Variants in TEX14 observed in about 807,000 individuals in gnomAD.
The protein encoded by TEX14 is testis expressed 14, intercellular bridge forming factor, also known as inactive serine/threonine-protein kinase TEX14.
TEX14 carries 168 observed loss-of-function variants against 178.6 expected under a neutral mutation model. The observed-to-expected ratio is 0.94, with a 90% CI of 0.83 to 1.07. The LOEUF (loss-of-function observed/expected upper bound fraction) is 1.07, where lower values mean the gene tolerates loss of function less well. TEX14 is among the 50% of genes least tolerant of loss of function. The probability of loss-of-function intolerance (pLI) is 0.00; values close to 1 mark genes in which losing one functional copy is unlikely to be tolerated. For missense variants in TEX14, 1,730 were observed against 1,753.6 expected (o/e 0.99, Z 0.24); for synonymous variants, 626 against 634.1 (o/e 0.99, Z 0.19).
intron 30 of TEX14, among the ~76,000 whole-genome samples, chr17:58,558,680 T>C (rs2144318154): frequency 6.6e-6 from 1 of 152,288 alleles, no homozygotes; most frequent in African/African-American, 2.4e-5. Context: ...AACTTAAATA[T>C]GGGAGAGCGT....
At chr17:58,655,049 T>TC (rs35757957) in intron 1 of TEX14, among the ~76,000 whole-genome samples, 3 of 149,962 alleles carry the variant, frequency 2.0e-5, no homozygotes, top group Non-Finnish European at 4.4e-5. Flanking sequence ...TTTTTTTTTT[T>TC]CCTGAGACAG....
chr17:58,682,466 G>A (rs542356835), intron 1 of TEX14, among the ~76,000 whole-genome samples: 24 of 151,648 alleles, frequency 1.6e-4, no homozygotes, highest in Non-Finnish European at 3.1e-4. Flanking sequence ...CCATGTTGGC[G>A]AGGCTGGTCT....
intron 1 of TEX14, among the ~76,000 whole-genome samples, chr17:58,683,688 G>A (rs570038683): frequency 2.3e-4 from 35 of 151,584 alleles, no homozygotes; most frequent in African/African-American, 8.5e-4. Flanking sequence ...GCTTGAACCC[G>A]GAAGGCGGGG....
At chr17:58,656,846 C>G (rs1303039139) in intron 1 of TEX14, among the ~76,000 whole-genome samples, 3 of 141,316 alleles carry the variant, frequency 2.1e-5, no homozygotes, top group Non-Finnish European at 4.5e-5. Context: ...TCACTTGAAC[C>G]TGGGAGGTGG....
At chr17:58,659,268 T>G (rs1044795224) in intron 1 of TEX14, 2 of 850,338 alleles carry the variant, frequency 2.4e-6, no homozygotes, top group East Asian at 1.2e-4. Flanking sequence ...AAACACTTTA[T>G]CAGGACCAAC....
chr17:58,649,140 C>T (rs1332574307), intron 2 of TEX14, among the ~76,000 whole-genome samples: 2 of 146,604 alleles, frequency 1.4e-5, no homozygotes, highest in Middle Eastern at 3.7e-3. Context: ...AGTGCAATGG[C>T]GCAATCTCGG....
chr17:58,602,833 C>G (rs1054587864), intron 11 of TEX14, among the ~76,000 whole-genome samples: 1 of 151,194 alleles, frequency 6.6e-6, no homozygotes, highest in Non-Finnish European at 1.5e-5. Context: ...TTTGGGAGGC[C>G]GAGGCGGGTG....
At chr17:58,647,817 C>G (rs2046748414) in intron 2 of TEX14, among the ~76,000 whole-genome samples, 1 of 152,062 alleles carries the variant, frequency 6.6e-6, no homozygotes, top group Admixed American at 6.6e-5. Context: ...CCTGCCTCAG[C>G]CTCCCAAGTA....
At chr17:58,609,186 T>C (rs1357333177) in intron 10 of TEX14, among the ~76,000 whole-genome samples, 1 of 152,160 alleles carries the variant, frequency 6.6e-6, no homozygotes, top group Non-Finnish European at 1.5e-5. Flanking sequence ...CTTGGCTCAC[T>C]GCAAGCTCCA....
At chr17:58,581,315 A>T (rs1353438087) in intron 19 of TEX14, among the ~76,000 whole-genome samples, 2 of 151,886 alleles carry the variant, frequency 1.3e-5, no homozygotes, top group African/African-American at 4.8e-5. Flanking sequence ...TATCTCAAAA[A>T]TTAAAAAAAA....
intron 2 of TEX14, among the ~76,000 whole-genome samples, chr17:58,631,414 T>C (rs897051439): frequency 3.3e-5 from 5 of 152,058 alleles, no homozygotes; most frequent in South Asian, 4.2e-4. Flanking sequence ...AATTGTGCCA[T>C]TGCACTCCAG....
intron 10 of TEX14, 62 bp from the exon 11 acceptor site, chr17:58,605,191 ATTCATTCATTCT>A (rs1188723958): frequency 4.6e-6 from 7 of 1,536,218 alleles, no homozygotes; most frequent in Admixed American, 3.9e-5. Context: ...TCATTCATTC[ATTCATTCATTCT>A]TTCATTCATT....
chr17:58,609,742 C>T (rs1467699615), intron 10 of TEX14, among the ~76,000 whole-genome samples: 2 of 152,178 alleles, frequency 1.3e-5, no homozygotes, highest in African/African-American at 2.4e-5. Context: ...GAAGTGAGAG[C>T]CTTTTTATAT....
rs187357779 is a variant in TEX14, at chr17:58,565,170, G to C, written c.3965-202C>G. Among the ~76,000 whole-genome samples the C allele has an allele frequency of 2.6e-5, 4 of 152,274 alleles. No individual in the cohort carries two copies. In the East Asian group the frequency reaches 7.7e-4, roughly 29 times the overall value. Reference sequence around the variant, plus strand: ...TTGCAGCAGCTGCTTCTGGGGTCTTGGAAGCTTTTCAGTGCCAGGTGAAGC... The same window carrying C: ...TTGCAGCAGCTGCTTCTGGGGTCTTCGAAGCTTTTCAGTGCCAGGTGAAGC... On this transcript the variant is annotated intron_variant, in intron 27 of 31. Coordinates refer to ENST00000349033, the MANE Select transcript of TEX14 (RefSeq NM_031272.5).
intron 1 of TEX14, among the ~76,000 whole-genome samples, chr17:58,683,001 C>T (rs2047525421): frequency 6.9e-6 from 1 of 144,990 alleles, no homozygotes; most frequent in Non-Finnish European, 1.5e-5. Context: ...TGCAATGTGT[C>T]GAGATCGCGC....
At chr17:58,682,675 C>T (rs1337036064) in intron 1 of TEX14, among the ~76,000 whole-genome samples, 4 of 152,190 alleles carry the variant, frequency 2.6e-5, no homozygotes, top group African/African-American at 9.6e-5. Flanking sequence ...TGCCCGGCTG[C>T]CCAGCCTACA....
At chr17:58,616,359 A>C in intron 6 of TEX14, 54 bp from the exon 7 acceptor site, 6 of 1,591,172 alleles carry the variant, frequency 3.8e-6, no homozygotes, top group Non-Finnish European at 5.1e-6. Flanking sequence ...AAAGCAGAAT[A>C]CATCCAGAAT....
rs185982282 is a variant in TEX14, at chr17:58,631,286, A to G, written c.137-732T>C. ...AGACCAACCTGGCCAACAAGGCGAA[A>G]TCTCCTCTCTACTAAATATACAAAA... On this transcript the variant is annotated intron_variant, in intron 2 of 31. Coordinates refer to ENST00000349033, the MANE Select transcript of TEX14 (RefSeq NM_031272.5). 627 of 174,342 alleles carry G rather than the reference A, an allele frequency of 3.6e-3. 2 individuals are homozygous for G. The highest frequency in any genetic ancestry group is 4.9e-3 in the Non-Finnish European group (435 of 88,382). The allele number at this position is 174,342 out of a possible 1,614,324, so 10.8% of individuals were successfully genotyped here. A position where few individuals can be genotyped will look rare whatever the true frequency, so the allele number is the denominator to read the frequency against.
At chr17:58,568,645 G>T (rs2044454669) in intron 26 of TEX14, among the ~76,000 whole-genome samples, 1 of 152,186 alleles carries the variant, frequency 6.6e-6, no homozygotes, top group Non-Finnish European at 1.5e-5. Flanking sequence ...AGCTGGACAG[G>T]GCCAGCCAAT....
Sources: allele counts gnomAD v4.1 joint callset (sites outside exome capture counted in the v4.1 genomes callset), GRCh38; gene constraint gnomAD v4.1.1; transcripts MANE v1.5; gene names NCBI Gene and HGNC (gene_info 2026-07-23, HGNC 2026-07-21).